ALMS1: variants seen among roughly 807,000 people sequenced by gnomAD.
ALMS1 encodes the protein centrosome-associated protein ALMS1.
In ALMS1, 271 loss-of-function variants were observed where a neutral mutation model predicts 352.2. That is an observed-to-expected ratio of 0.77 (90% CI 0.70 to 0.85). The LOEUF (loss-of-function observed/expected upper bound fraction) is 0.85, where lower values mean the gene tolerates loss of function less well. Ranked by LOEUF, ALMS1 falls within the 40% of genes least tolerant of loss-of-function variation. The pLI, the probability that ALMS1 is intolerant of heterozygous loss-of-function variation, is 0.00. For synonymous variants in ALMS1, 1,865 were observed against 1,761.2 expected, an observed-to-expected ratio of 1.06 and a Z score of -1.48; for missense variants, 5,445 against 4,870.7, an observed-to-expected ratio of 1.12 and a Z score of -3.51.
chr2:73,562,381 TA>T (rs1194037281), intron 15 of ALMS1, among the ~76,000 whole-genome samples: 1 of 152,044 alleles, frequency 6.6e-6, no homozygotes, highest in Non-Finnish European at 1.5e-5. Context: ...ATTTTGTATA[TA>T]GTGTTCAATA....
intron 7 of ALMS1, among the ~76,000 whole-genome samples, chr2:73,435,094 C>T (rs1671580820): frequency 6.6e-6 from 1 of 152,172 alleles, no homozygotes; most frequent in Non-Finnish European, 1.5e-5. Flanking sequence ...TATGGTTTAT[C>T]TTTTAAAATC....
intron 10 of ALMS1, among the ~76,000 whole-genome samples, chr2:73,513,820 C>T (rs961690495): frequency 5.3e-5 from 8 of 152,038 alleles, no homozygotes; most frequent in Non-Finnish European, 7.4e-5. Context: ...GTCTTCTTGC[C>T]CTGCTTGAAT....
At chr2:73,545,413 T>C (rs985992706) in intron 12 of ALMS1, among the ~76,000 whole-genome samples, 1 of 152,176 alleles carries the variant, frequency 6.6e-6, no homozygotes, top group Non-Finnish European at 1.5e-5. Context: ...ACTCCTGACC[T>C]CAAGTGATCT....
chr2:73,447,950 T>C lies in ALMS1; in HGVS notation c.1433-10T>C. On this transcript the variant is annotated splice_polypyrimidine_tract_variant and intron_variant, in intron 7 of 22. Transcript: ENST00000613296. ...TTTTATATACTATTAACAAATCTCT[T>C]TTTCTTTAGGAGACACTTCTAAAGG... The C allele has an allele frequency of 1.3e-6, 2 of 1,598,968 alleles. No homozygotes were observed. Among genetic ancestry groups the C allele is most frequent in the Non-Finnish European group, 1.7e-6 (2 of 1,172,992 alleles).
intron 15 of ALMS1, among the ~76,000 whole-genome samples, chr2:73,565,680 A>G (rs959422434): frequency 6.6e-6 from 1 of 152,246 alleles, no homozygotes; most frequent in African/African-American, 2.4e-5. Context: ...ATCATCATCA[A>G]TAGTGGTAAG....
chr2:73,489,066 C>T (rs1379640947), intron 9 of ALMS1, among the ~76,000 whole-genome samples: 2 of 152,196 alleles, frequency 1.3e-5, no homozygotes, highest in Admixed American at 1.3e-4. Context: ...GACAACTAAG[C>T]TGTCTTACAC....
intron 7 of ALMS1, among the ~76,000 whole-genome samples, chr2:73,446,102 G>A (rs1290337009): frequency 2.0e-5 from 3 of 151,934 alleles, no homozygotes; most frequent in South Asian, 2.1e-4. Context: ...CTTTAACATC[G>A]TGCATCTCCT....
At chr2:73,406,142 C>T (rs192698167) in intron 1 of ALMS1, among the ~76,000 whole-genome samples, 6 of 152,228 alleles carry the variant, frequency 3.9e-5, no homozygotes, top group Admixed American at 3.3e-4. Context: ...GGAGAGCTCC[C>T]TTCAATTTTA....
chr2:73,456,174 T>C (rs1672055766), intron 9 of ALMS1, among the ~76,000 whole-genome samples: 1 of 152,190 alleles, frequency 6.6e-6, no homozygotes, highest in Non-Finnish European at 1.5e-5. Flanking sequence ...ATCTTTTTTA[T>C]TTCTTATTTT....
At chr2:73,489,491 T>TTTGTCCTGTTTTA in intron 9 of ALMS1, 143 bp from the exon 10 acceptor site, 1 of 941,542 alleles carries the variant, frequency 1.1e-6, no homozygotes, top group Non-Finnish European at 1.6e-6. Flanking sequence ...TGCTGTGCTC[T>TTTGTCCTGTTTTA]TTGTCCTGTT....
intron 7 of ALMS1, among the ~76,000 whole-genome samples, chr2:73,441,320 A>G (rs1485947110): frequency 2.6e-5 from 4 of 152,160 alleles, no homozygotes; most frequent in Non-Finnish European, 5.9e-5. Flanking sequence ...TGCCTACCTG[A>G]GCTGTCTTTT....
intron 12 of ALMS1, among the ~76,000 whole-genome samples, chr2:73,538,192 C>CATAT (rs1201894926): frequency 3.3e-4 from 50 of 151,968 alleles, no homozygotes; most frequent in African/African-American, 1.1e-3. Flanking sequence ...TGTAAGGAAC[C>CATAT]CTTACAACTC....
chr2:73,472,862 C>G (rs1315616501), intron 9 of ALMS1, among the ~76,000 whole-genome samples: 1 of 152,036 alleles, frequency 6.6e-6, no homozygotes, highest in Non-Finnish European at 1.5e-5. Flanking sequence ...CAGCTCAGAG[C>G]TTTCCTGGGA....
chr2:73,539,215 T>G (rs1209414528), intron 12 of ALMS1, among the ~76,000 whole-genome samples: 1 of 152,168 alleles, frequency 6.6e-6, no homozygotes, highest in Non-Finnish European at 1.5e-5. Flanking sequence ...GCGGCAACAT[T>G]TGCTGTTCAC....
At chr2:73,609,073 G>A (rs369483804) in intron 22 of ALMS1, among the ~76,000 whole-genome samples, 2 of 152,230 alleles carry the variant, frequency 1.3e-5, no homozygotes, top group African/African-American at 4.8e-5. Context: ...AGAACCTCAC[G>A]GGGCAGGGTT....
intron 9 of ALMS1, among the ~76,000 whole-genome samples, chr2:73,460,903 C>T (rs767565181): frequency 6.6e-6 from 1 of 152,232 alleles, no homozygotes; most frequent in Non-Finnish European, 1.5e-5. Flanking sequence ...GGGCGCCTGC[C>T]ATTGTGCAGG....
At chr2:73,430,507 AAC>A (rs34391079) in intron 6 of ALMS1, among the ~76,000 whole-genome samples, 2,126 of 152,286 alleles carry the variant, frequency 0.014, 43 homozygotes, top group African/African-American at 0.049. Flanking sequence ...GTAAACTATA[AAC>A]ACACACTGTC....
intron 16 of ALMS1, among the ~76,000 whole-genome samples, chr2:73,597,507 G>A (rs1156594682): frequency 1.3e-5 from 2 of 151,944 alleles, no homozygotes; most frequent in Non-Finnish European, 2.9e-5. Flanking sequence ...CTGCAGAGAA[G>A]GTATAATGTA....
At chr2:73,528,759 A>G (rs1673848274) in intron 11 of ALMS1, among the ~76,000 whole-genome samples, 1 of 151,232 alleles carries the variant, frequency 6.6e-6, no homozygotes, top group Non-Finnish European at 1.5e-5. Context: ...TTTTGAGGCT[A>G]TTTTCTAGAT....
Sources: allele counts gnomAD v4.1 joint callset (sites outside exome capture counted in the v4.1 genomes callset), GRCh38; gene constraint gnomAD v4.1.1; transcripts MANE v1.5; gene names NCBI Gene and HGNC (gene_info 2026-07-23, HGNC 2026-07-21).